Variants in MACF1 observed in about 807,000 individuals in gnomAD.
MACF1 encodes microtubule actin crosslinking factor 1.
In MACF1, 193 loss-of-function variants were observed where a neutral mutation model predicts 854.8. The ratio of observed to expected loss-of-function variants is 0.23; its 90% CI spans 0.20 to 0.25. The LOEUF is 0.25. Among genes scored for constraint, MACF1 ranks in the 10% least tolerant of loss-of-function variants. The pLI, the probability that MACF1 is intolerant of heterozygous loss-of-function variation, is 1.00. For synonymous variants in MACF1, 3,185 were observed against 3,226.7 expected, an observed-to-expected ratio of 0.99 and a Z score of 0.44; for missense variants, 7,722 against 8,929.1, an observed-to-expected ratio of 0.86 and a Z score of 5.45.
At position 39,370,137 on chromosome 1, in the gene MACF1, A is replaced by G. The variant is rs768521443; in HGVS notation, c.13046A>G (p.Glu4349Gly). 23 of 1,613,996 alleles carry G rather than the reference A, an allele frequency of 1.4e-5. No individual in the cohort carries two copies. Among genetic ancestry groups the G allele is most frequent in the African/African-American group, 1.3e-4 (10 of 74,938 alleles). Reference protein sequence around the residue: ...KETEGSIPPTETSMSAKELEK... With the variant: ...KETEGSIPPTGTSMSAKELEK... ...ACTGAAGGGAGTATTCCACCTACGG[A>G]AACTTCTATGAGTGCTAAAGAGTTA... is the stretch of plus-strand genomic sequence containing the variant. Residue 4349 changes from glutamate to glycine, a missense_variant, in exon 51 of 101, where the codon GAA becomes GGA. Around this residue, in one of 15 missense-constraint regions of MACF1, gnomAD observed 2,807 missense variants for 3,235.8 expected, o/e 0.87. Transcript: ENST00000564288.
intron 89 of MACF1, among the ~76,000 whole-genome samples, chr1:39,455,616 A>G (rs1570143824): frequency 6.6e-6 from 1 of 152,272 alleles, no homozygotes; most frequent in Non-Finnish European, 1.5e-5. Flanking sequence ...GGGGGATTAC[A>G]TAGAGTGTGC....
rs757224531 is a variant in MACF1, at chr1:39,333,185, A to G, written c.6597A>G (p.Leu2199=). The G allele has an allele frequency of 1.2e-6, 2 of 1,612,906 alleles. No individual in the cohort carries two copies. Among genetic ancestry groups the G allele is most frequent in the Admixed American group, 1.7e-5 (1 of 59,776 alleles). Residue 2199 remains leucine (L), a synonymous_variant, in exon 37 of 101, where the codon TTA becomes TTG. Coordinates refer to ENST00000564288, the MANE Select transcript of MACF1 (RefSeq NM_001394062.1). ...ACATAAAACCCCAAAGCAAAAAGTT[A>G]CAAGTTCAGGTAAAGAAAACTCTAG... ...GSHIKPQSKK[L]QVQVKKTLGI...
chr1:39,286,503 G>A (rs1454137080), intron 14 of MACF1, among the ~76,000 whole-genome samples: 1 of 147,458 alleles, frequency 6.8e-6, no homozygotes, highest in Non-Finnish European at 1.5e-5. Context: ...ATCTTGCTCT[G>A]TAGCCCAGGA....
rs960880875 is a variant in MACF1 at position 39,105,249 on chromosome 1, A to G, written c.220+20811A>G. The stretch of plus-strand genomic sequence containing the variant: ...AGCCGGCCGCAGCCTGGGGCCGAGG[A>G]CTCGCCGGGACCCGGAGGCGGCGGG... On this transcript the variant is annotated intron_variant, in intron 2 of 93. Coordinates refer to the MACF1 transcript ENST00000361689. This position sits in a 1 kb window ranked among gnomAD's most constrained non-coding sequence, Gnocchi z 5.9. 4.7e-5 allele frequency among the ~76,000 whole-genome samples: 7 copies of G among 150,174 alleles called. No individual in the cohort carries two copies. Among genetic ancestry groups the G allele is most frequent in the African/African-American group, 1.7e-4 (7 of 40,892 alleles).
At chr1:39,389,240 T>C (rs908009085) in intron 58 of MACF1, among the ~76,000 whole-genome samples, 5 of 152,096 alleles carry the variant, frequency 3.3e-5, no homozygotes, top group Non-Finnish European at 5.9e-5. Context: ...GAAAGAAATG[T>C]CCAAGTCTTA....
intron 1 of MACF1, among the ~76,000 whole-genome samples, chr1:39,211,741 T>G (rs1181060795): frequency 6.6e-6 from 1 of 151,822 alleles, no homozygotes; most frequent in Non-Finnish European, 1.5e-5. Flanking sequence ...ATTAGCCAGG[T>G]GCTGTGGTGG....
At chr1:39,309,792 A>C in intron 24 of MACF1, 96 bp downstream of exon 24, 2 of 1,369,262 alleles carry the variant, frequency 1.5e-6, no homozygotes, top group Non-Finnish European at 2.0e-6. Context: ...CCCCACCCAA[A>C]TGGAGTAAAG....
In MACF1 at chr1:39,382,166, CAACAAAGA is replaced by C; in HGVS notation, c.13848+17_13848+24del. ...CAACAGGTCCAGGTGAGCAATATAG[CAACAAAGA>C]AATTGGAATCACATGAAACTGGGTT... On this transcript the variant is annotated intron_variant, in intron 56 of 100. Coordinates refer to ENST00000564288, the MANE Select transcript of MACF1 (RefSeq NM_001394062.1). The C allele has an allele frequency of 6.2e-7, 1 of 1,609,698 alleles. No homozygotes were observed. Among genetic ancestry groups the C allele is most frequent in the Non-Finnish European group, 8.5e-7 (1 of 1,178,358 alleles).
chr1:39,372,496 G>T lies in MACF1; in HGVS notation c.13113G>T (p.Trp4371Cys). 1 of 1,611,990 alleles carries T rather than the reference G, an allele frequency of 6.2e-7. No individual in the cohort carries two copies. The highest frequency in any genetic ancestry group is 1.1e-5 in the South Asian group (1 of 90,954). The change falls in exon 52 of 101, where the codon TGG becomes TGT. Residue 4371 changes from tryptophan (W) to cysteine (C), a missense_variant. This residue lies in a region of MACF1 where 2,807 missense variants were observed against 3,235.8 expected (regional missense o/e 0.87). Coordinates refer to ENST00000564288, the MANE Select transcript of MACF1 (RefSeq NM_001394062.1). The part of the protein sequence containing the change: ...IEHLKSLLDD[W>C]ASKGTLVEEI... The stretch of plus-strand genomic sequence containing the variant: ...TTAAACAGAGTCTACTAGATGACTG[G>T]GCAAGTAAGGGAACTCTGGTGGAAG...
intron 2 of MACF1, among the ~76,000 whole-genome samples, chr1:39,233,285 A>G (rs1213359217): frequency 6.6e-6 from 1 of 152,070 alleles, no homozygotes; most frequent in Non-Finnish European, 1.5e-5. Flanking sequence ...CCACCCACCT[A>G]AGTCTCCCAA....
intron 61 of MACF1, among the ~76,000 whole-genome samples, chr1:39,426,778 TG>T (rs202122482): frequency 6.6e-6 from 1 of 151,332 alleles, no homozygotes; most frequent in Non-Finnish European, 1.5e-5. Flanking sequence ...GGTTTTTTTT[TG>T]GGGGGGGTGC....
intron 90 of MACF1, 196 bp downstream of exon 90, chr1:39,458,686 T>A: frequency 1.5e-6 from 1 of 662,914 alleles, no homozygotes; most frequent in African/African-American, 1.8e-5. Context: ...TTGGTATGAT[T>A]GGTATGAAAT....
chr1:39,315,754 G>A (rs1646400436), intron 27 of MACF1, 63 bp downstream of exon 27: 2 of 1,496,838 alleles, frequency 1.3e-6, no homozygotes, highest in Admixed American at 1.8e-5. Flanking sequence ...AAAGAGAAAG[G>A]CTTAAAGTAT....
chr1:39,277,996 G>C (rs1378982577), intron 6 of MACF1, among the ~76,000 whole-genome samples: 1 of 152,176 alleles, frequency 6.6e-6, no homozygotes, highest in Non-Finnish European at 1.5e-5. Flanking sequence ...CAGCTTCTGG[G>C]AATACTTCAG....
At chr1:39,271,486 A>C (rs968542604) in intron 6 of MACF1, among the ~76,000 whole-genome samples, 1 of 152,214 alleles carries the variant, frequency 6.6e-6, no homozygotes, top group Admixed American at 6.5e-5. Flanking sequence ...ACCAGGTCCC[A>C]CTTCCAGTAT....
chr1:39,331,699 C>T lies in MACF1; in HGVS notation c.5111C>T (p.Thr1704Ile), dbSNP rs779391040. The T allele has an allele frequency of 1.9e-6, 3 of 1,614,088 alleles. No homozygotes were observed. Among genetic ancestry groups the T allele is most frequent in the African/African-American group, 2.7e-5 (2 of 74,924 alleles). ...TCCAAGAATTTGATAGACCCTAACA[C>T]AGCTGAGAAAATTGGTTTGCTGGAT... is the stretch of plus-strand genomic sequence containing the variant. ...RTSKNLIDPNTAEKIGLLDLM... is the reference protein window; with the variant it reads ...RTSKNLIDPNIAEKIGLLDLM... Residue 1704 changes from threonine (T) to isoleucine (I), a missense_variant, in exon 37 of 101, where the codon ACA (threonine) becomes ATA (isoleucine). Around this residue, in one of 15 missense-constraint regions of MACF1, gnomAD observed 1,531 missense variants for 1,601.6 expected, o/e 0.96. Coordinates refer to ENST00000564288, the MANE Select transcript of MACF1 (RefSeq NM_001394062.1).
intron 50 of MACF1, 130 bp downstream of exon 50, chr1:39,368,444 G>T: frequency 1.1e-6 from 1 of 909,190 alleles, no homozygotes; most frequent in South Asian, 2.1e-5. Flanking sequence ...AGTTGTAGGA[G>T]GGTGAAAAGT....
chr1:39,440,358 G>T (rs566550342), intron 72 of MACF1, among the ~76,000 whole-genome samples: 21 of 151,486 alleles, frequency 1.4e-4, no homozygotes, highest in Admixed American at 2.0e-4. Context: ...CTCCAGCCTC[G>T]GCCTCCCAAA....
chr1:39,245,899 C>T (rs949961869), intron 2 of MACF1, among the ~76,000 whole-genome samples: 8 of 152,078 alleles, frequency 5.3e-5, no homozygotes, highest in Admixed American at 3.3e-4. Context: ...TTTTAAAAAA[C>T]CTACCATTAA....
Sources: allele counts gnomAD v4.1 joint callset (sites outside exome capture counted in the v4.1 genomes callset), GRCh38; gene constraint gnomAD v4.1.1; regional missense constraint gnomAD v4.1.1; non-coding constraint Gnocchi (gnomAD v3.1); transcripts MANE v1.5; gene names NCBI Gene and HGNC (gene_info 2026-07-23, HGNC 2026-07-21).